Variants in CMTM7 observed in about 807,000 individuals in gnomAD.
CMTM7 encodes CKLF-like MARVEL transmembrane domain-containing protein 7.
Under a neutral mutation model 19.3 loss-of-function variants are expected in CMTM7, and 7 were observed. The ratio of observed to expected loss-of-function variants is 0.36; its 90% CI spans 0.21 to 0.68. The LOEUF (loss-of-function observed/expected upper bound fraction) is 0.68. CMTM7 is among the 30% of genes least tolerant of loss of function. The pLI is 0.60. For missense variants in CMTM7, 193 were observed against 232.6 expected (o/e 0.83, Z 1.11); for synonymous variants, 87 against 99.3 (o/e 0.88, Z 0.74).
At chr3:32,404,152 C>CTTTTTTTTTTTTTTTTTT (rs869206404) in intron 1 of CMTM7, among the ~76,000 whole-genome samples, 1 of 131,996 alleles carries the variant, frequency 7.6e-6, no homozygotes, top group African/African-American at 3.0e-5. Context: ...CTTTTTTTTT[C>CTTTTTTTTTTTTTTTTTT]TTTTTTTTTC....
chr3:32,411,150 T>G (rs1266557224), intron 1 of CMTM7, among the ~76,000 whole-genome samples: 1 of 152,168 alleles, frequency 6.6e-6, no homozygotes, highest in African/African-American at 2.4e-5. Context: ...TCCCTGTCGC[T>G]GAAAATCAAG....
chr3:32,452,919 A>ATTTTTTT (rs368112448), intron 4 of CMTM7, among the ~76,000 whole-genome samples: 3 of 35,354 alleles, frequency 8.5e-5, no homozygotes, highest in African/African-American at 1.1e-4. Flanking sequence ...CCTAATTTCA[A>ATTTTTTT]TTTTTTTTTT....
intron 1 of CMTM7, among the ~76,000 whole-genome samples, chr3:32,417,732 T>C (rs1285519774): frequency 6.6e-6 from 1 of 152,252 alleles, no homozygotes; most frequent in African/African-American, 2.4e-5. Flanking sequence ...TTTGATATTA[T>C]CAGTATTTTC....
At chr3:32,412,224 C>G (rs1696187900) in intron 1 of CMTM7, among the ~76,000 whole-genome samples, 1 of 151,980 alleles carries the variant, frequency 6.6e-6, no homozygotes, top group African/African-American at 2.4e-5. Flanking sequence ...GTGGCTCACA[C>G]CTGTAATCCC....
At chr3:32,431,260 C>G (rs970506958) in intron 1 of CMTM7, among the ~76,000 whole-genome samples, 1 of 152,178 alleles carries the variant, frequency 6.6e-6, no homozygotes, top group South Asian at 2.1e-4. Flanking sequence ...TTGAAACATA[C>G]AAACATGGAA....
At chr3:32,421,226 A>G (rs1004967289) in intron 1 of CMTM7, among the ~76,000 whole-genome samples, 8 of 151,886 alleles carry the variant, frequency 5.3e-5, no homozygotes, top group Non-Finnish European at 7.4e-5. Context: ...CTGAAGAACA[A>G]TTCTGCTGTG....
chr3:32,443,112 T>C (rs1696704666), intron 2 of CMTM7, among the ~76,000 whole-genome samples: 2 of 152,144 alleles, frequency 1.3e-5, no homozygotes, highest in Admixed American at 1.3e-4. Context: ...CTTTTTTTCT[T>C]TTTAGAGACA....
intron 1 of CMTM7, among the ~76,000 whole-genome samples, chr3:32,406,925 C>A (rs576908164): frequency 1.3e-5 from 2 of 152,292 alleles, no homozygotes; most frequent in African/African-American, 4.8e-5. Context: ...CATAAACTCC[C>A]AGGGATCTCT....
chr3:32,445,507 T>A (rs1201349107), intron 2 of CMTM7, among the ~76,000 whole-genome samples: 2 of 152,126 alleles, frequency 1.3e-5, no homozygotes, highest in Non-Finnish European at 2.9e-5. Flanking sequence ...TACATTGTTT[T>A]TTGTTTTTTT....
At chr3:32,418,772 C>T (rs1299546802) in intron 1 of CMTM7, among the ~76,000 whole-genome samples, 1 of 152,212 alleles carries the variant, frequency 6.6e-6, no homozygotes, top group Non-Finnish European at 1.5e-5. Context: ...AAGCTTTCAC[C>T]AGTACCACAC....
chr3:32,426,943 T>A (rs1159141226), intron 1 of CMTM7, among the ~76,000 whole-genome samples: 1 of 152,250 alleles, frequency 6.6e-6, no homozygotes, highest in Non-Finnish European at 1.5e-5. Flanking sequence ...TGATGTGCTA[T>A]ATTATATACT....
chr3:32,410,178 C>T (rs953925933), intron 1 of CMTM7, among the ~76,000 whole-genome samples: 3 of 152,118 alleles, frequency 2.0e-5, no homozygotes, highest in African/African-American at 4.8e-5. Flanking sequence ...TCCTGTTTCC[C>T]GGTTCTGATT....
At chr3:32,400,486 G>A (rs1282343929) in intron 1 of CMTM7, among the ~76,000 whole-genome samples, 2 of 131,932 alleles carry the variant, frequency 1.5e-5, no homozygotes, top group East Asian at 2.3e-4. Context: ...TCCACCTCCC[G>A]GGTTCAAGTG....
intron 1 of CMTM7, among the ~76,000 whole-genome samples, chr3:32,432,873 G>A (rs1288677234): frequency 1.3e-5 from 2 of 152,304 alleles, no homozygotes; most frequent in East Asian, 3.9e-4. Flanking sequence ...CCCACATTGT[G>A]TCAGCTGCCC....
rs1451486019 is a variant in CMTM7 at position 32,416,378 on chromosome 3, T to C, written c.159+24313T>C. 4.9e-3 allele frequency among the ~76,000 whole-genome samples: 479 copies of C among 97,040 alleles called. 41 individuals carry two copies. The highest frequency in any genetic ancestry group is 0.02 in the African/African-American group (457 of 23,282). 63.7% of individuals were successfully genotyped at this position (97,040 alleles called of 152,430 possible). A position where few individuals can be genotyped will look rare whatever the true frequency, so the allele number is the denominator to read the frequency against. ...CCGGGCTAATTTTTTTTTTTTTTTTTTTTTTTTTTTTTTTTTTTTGAGACG... is the reference window on the plus strand; with the variant it reads ...CCGGGCTAATTTTTTTTTTTTTTTTCTTTTTTTTTTTTTTTTTTTGAGACG... On this transcript the variant is annotated intron_variant, in intron 1 of 4. Coordinates refer to ENST00000334983, the MANE Select transcript of CMTM7 (RefSeq NM_138410.4).
At chr3:32,397,470 C>G (rs1417435845) in intron 1 of CMTM7, among the ~76,000 whole-genome samples, 1 of 152,096 alleles carries the variant, frequency 6.6e-6, no homozygotes, top group Non-Finnish European at 1.5e-5. Flanking sequence ...TGTGGTGGCT[C>G]ACGCCTGTAA....
At chr3:32,437,084 A>G (rs1370405792) in intron 1 of CMTM7, among the ~76,000 whole-genome samples, 1 of 152,130 alleles carries the variant, frequency 6.6e-6, no homozygotes, top group Non-Finnish European at 1.5e-5. Flanking sequence ...AGATCATGTC[A>G]GCTTCCTTCA....
intron 1 of CMTM7, among the ~76,000 whole-genome samples, chr3:32,415,272 C>T (rs1293799585): frequency 1.3e-5 from 2 of 152,118 alleles, no homozygotes; most frequent in African/African-American, 4.8e-5. Context: ...CTTGTGGATA[C>T]ACTCTCTAAA....
At chr3:32,398,311 T>C (rs1365113011) in intron 1 of CMTM7, among the ~76,000 whole-genome samples, 1 of 152,164 alleles carries the variant, frequency 6.6e-6, no homozygotes, top group Non-Finnish European at 1.5e-5. Flanking sequence ...AACCATAACA[T>C]GGACAGAGAA....
Sources: gnomAD v4.1 joint callset for allele counts (sites outside exome capture counted in the v4.1 genomes callset) on GRCh38, gnomAD v4.1.1 for gene constraint, MANE v1.5 for transcripts, NCBI Gene and HGNC (gene_info 2026-07-23, HGNC 2026-07-21) for gene names.